Variants in CTNNBIP1 observed in about 807,000 individuals in gnomAD.
CTNNBIP1 encodes catenin beta interacting protein 1.
CTNNBIP1 carries 7 observed loss-of-function variants against 11.8 expected under a neutral mutation model. That is an observed-to-expected ratio of 0.60 (90% CI 0.34 to 1.12). The LOEUF is 1.12. CTNNBIP1 is among the 50% of genes most tolerant of loss of function. The pLI, the probability that CTNNBIP1 is intolerant of heterozygous loss-of-function variation, is 0.03. For synonymous variants in CTNNBIP1, 58 were observed against 43.9 expected (o/e 1.32, Z -1.26); for missense variants, 101 against 113.4 (o/e 0.89, Z 0.50).
chr1:9,897,485 A>G (rs1639434662), intron 1 of CTNNBIP1, among the ~76,000 whole-genome samples: 1 of 148,520 alleles, frequency 6.7e-6, no homozygotes, highest in Admixed American at 6.7e-5. Context: ...AAACAAAACA[A>G]AACAAAAAAA....
At chr1:9,860,944 T>C (rs186366750) in intron 5 of CTNNBIP1, among the ~76,000 whole-genome samples, 30 of 152,232 alleles carry the variant, frequency 2.0e-4, no homozygotes, top group Non-Finnish European at 3.5e-4. Flanking sequence ...CCTTTGTGAG[T>C]CACCATCAGC....
chr1:9,853,552 C>T (rs774418235), intron 5 of CTNNBIP1, among the ~76,000 whole-genome samples: 6 of 152,216 alleles, frequency 3.9e-5, no homozygotes, highest in Non-Finnish European at 8.8e-5. Flanking sequence ...TATGGCAGCT[C>T]CCTCAGGTAG....
rs1261366871 is a variant in CTNNBIP1, at chr1:9,883,157, C to G, written c.-110+548G>C. The stretch of plus-strand genomic sequence containing the variant: ...GGTCAGGGACCGGGGGAGCCTCTCT[C>G]TGGAAGGAAGTCCAACCTGCCAAGC... On this transcript the variant is annotated intron_variant, in intron 2 of 5. Transcript: ENST00000377263. This position sits in a 1 kb window ranked among gnomAD's most constrained non-coding sequence, Gnocchi z 5.6. Among the ~76,000 whole-genome samples, 11 of 152,128 alleles carry G rather than the reference C, an allele frequency of 7.2e-5. No homozygotes were observed. Among genetic ancestry groups the G allele is most frequent in the Admixed American group, 7.2e-4 (11 of 15,278 alleles).
intron 2 of CTNNBIP1, among the ~76,000 whole-genome samples, chr1:9,881,445 TTC>T (rs1320596111): frequency 6.7e-6 from 1 of 150,214 alleles, no homozygotes; most frequent in Non-Finnish European, 1.5e-5. Context: ...GTTCAAGCCA[TTC>T]TCTTCCCTCA....
intron 5 of CTNNBIP1, among the ~76,000 whole-genome samples, chr1:9,853,887 T>C (rs967990789): frequency 6.8e-6 from 1 of 147,602 alleles, no homozygotes; most frequent in African/African-American, 2.7e-5. Flanking sequence ...GATGCAAACA[T>C]ACCCAACAAA....
intron 5 of CTNNBIP1, among the ~76,000 whole-genome samples, chr1:9,859,369 A>G (rs1638576265): frequency 6.6e-6 from 1 of 152,214 alleles, no homozygotes; most frequent in South Asian, 2.1e-4. Context: ...GCAGGAGCTT[A>G]GAAAAGGGAA....
At chr1:9,891,948 C>G (rs1169047575) in intron 1 of CTNNBIP1, among the ~76,000 whole-genome samples, 1 of 151,938 alleles carries the variant, frequency 6.6e-6, no homozygotes, top group Non-Finnish European at 1.5e-5. Flanking sequence ...ACTACAGGTG[C>G]GTGCCACCAT....
At position 9,910,114 on chromosome 1, in the gene CTNNBIP1, CGGGCCGGCA is replaced by C. The variant is rs1217886481; in HGVS notation, c.-172_-164del. Reference sequence around the variant, plus strand: ...GCTTACCTGGGCCGCCCGACCCGGCCGGGCCGGCAGGGGCAGCGGGTCCGGCGCGCAGCG... The same window carrying C: ...GCTTACCTGGGCCGCCCGACCCGGCCGGGGCAGCGGGTCCGGCGCGCAGCG... On this transcript the variant is annotated 5_prime_UTR_variant, in exon 1 of 6. Transcript: ENST00000377263. The C allele has an allele frequency of 6.8e-6, 1 of 146,608 alleles. No homozygotes were observed. Among genetic ancestry groups the C allele is most frequent in the East Asian group, 2.0e-4 (1 of 5,114 alleles). 9.1% of individuals were successfully genotyped at this position (146,608 alleles called of 1,614,324 possible). A position where few individuals can be genotyped will look rare whatever the true frequency, so the allele number is the denominator to read the frequency against.
At chr1:9,893,603 A>C (rs1399491456) in intron 1 of CTNNBIP1, among the ~76,000 whole-genome samples, 1 of 152,224 alleles carries the variant, frequency 6.6e-6, no homozygotes, top group African/African-American at 2.4e-5. Context: ...CTCCATTGAG[A>C]GGAAAAAGCT....
chr1:9,857,331 T>C (rs1286009857), intron 5 of CTNNBIP1, among the ~76,000 whole-genome samples: 3 of 150,130 alleles, frequency 2.0e-5, no homozygotes, highest in Non-Finnish European at 4.4e-5. Context: ...ATACAAAAAA[T>C]TAGCCGGGTG....
At chr1:9,897,410 C>T (rs1485194828) in intron 1 of CTNNBIP1, among the ~76,000 whole-genome samples, 1 of 149,982 alleles carries the variant, frequency 6.7e-6, no homozygotes. Context: ...GCCAAGATCG[C>T]TCCACTGCAC....
chr1:9,905,686 T>C (rs900085675), intron 1 of CTNNBIP1, among the ~76,000 whole-genome samples: 4 of 151,642 alleles, frequency 2.6e-5, no homozygotes, highest in Non-Finnish European at 4.4e-5. Context: ...CGCCTCGGCC[T>C]CCCAAAGTGC....
At chr1:9,876,138 A>G (rs1638964295) in intron 3 of CTNNBIP1, among the ~76,000 whole-genome samples, 1 of 152,222 alleles carries the variant, frequency 6.6e-6, no homozygotes, top group African/African-American at 2.4e-5. Flanking sequence ...CAACTAAATT[A>G]GACACACTAA....
intron 5 of CTNNBIP1, among the ~76,000 whole-genome samples, chr1:9,861,935 A>G (rs1237366786): frequency 6.6e-6 from 1 of 152,214 alleles, no homozygotes; most frequent in Non-Finnish European, 1.5e-5. Context: ...CACAGCATAA[A>G]GCATCATAAA....
chr1:9,886,742 G>C (rs1212527064), intron 1 of CTNNBIP1, among the ~76,000 whole-genome samples: 1 of 152,142 alleles, frequency 6.6e-6, no homozygotes, highest in Non-Finnish European at 1.5e-5. Context: ...GCCAGCGAGG[G>C]GGACGGGGGG....
intron 1 of CTNNBIP1, among the ~76,000 whole-genome samples, chr1:9,884,835 A>G (rs1042091248): frequency 1.3e-5 from 2 of 152,100 alleles, no homozygotes; most frequent in African/African-American, 4.8e-5. Flanking sequence ...AGACGGGAAG[A>G]CAGTGAGGGA....
chr1:9,869,897 C>T (rs1210359949), intron 5 of CTNNBIP1, among the ~76,000 whole-genome samples: 1 of 152,218 alleles, frequency 6.6e-6, no homozygotes, highest in East Asian at 1.9e-4. Flanking sequence ...CCAAGAGATC[C>T]CAGGATGGGG....
chr1:9,852,800 G>A (rs1461860168), intron 5 of CTNNBIP1, among the ~76,000 whole-genome samples: 2 of 152,194 alleles, frequency 1.3e-5, no homozygotes, highest in Non-Finnish European at 2.9e-5. Flanking sequence ...GTGGCCTTTC[G>A]CTCAGGGACC....
At position 9,851,278 on chromosome 1, in the gene CTNNBIP1, T is replaced by G. The variant is rs1446116776; in HGVS notation, c.188-502A>C. On this transcript the variant is annotated intron_variant, in intron 5 of 5. Coordinates refer to ENST00000377263, the MANE Select transcript of CTNNBIP1 (RefSeq NM_020248.3). This position sits in a 1 kb window ranked among gnomAD's most constrained non-coding sequence, Gnocchi z 4.8. ...AACCCAACACCTCTTCCAAGAAGTA[T>G]GGCCGGGCCCACGTCCAGCCTGCTG... 6.6e-6 allele frequency among the ~76,000 whole-genome samples: 1 copy of G among 152,220 alleles called. No homozygotes were observed. Among genetic ancestry groups the G allele is most frequent in the African/African-American group, 2.4e-5 (1 of 41,422 alleles).
Sources: allele counts gnomAD v4.1 joint callset (sites outside exome capture counted in the v4.1 genomes callset), GRCh38; gene constraint gnomAD v4.1.1; non-coding constraint Gnocchi (gnomAD v3.1); transcripts MANE v1.5; gene names NCBI Gene and HGNC (gene_info 2026-07-23, HGNC 2026-07-21).